The following SRFBP1 variants were observed in gnomAD, a reference collection of about 807,000 sequenced individuals.
The protein encoded by SRFBP1 is serum response factor-binding protein 1.
In SRFBP1, 47 loss-of-function variants were observed where a neutral mutation model predicts 45.5. The observed-to-expected ratio is 1.03, with a 90% CI of 0.82 to 1.32. The LOEUF (loss-of-function observed/expected upper bound fraction) is 1.32, where lower values mean the gene tolerates loss of function less well. Among genes scored for constraint, SRFBP1 ranks in the 40% most tolerant of loss-of-function variants. The pLI is 0.00. For synonymous variants in SRFBP1, 203 were observed against 166.3 expected (o/e 1.22, Z -1.70); for missense variants, 621 against 484.6 (o/e 1.28, Z -2.64).
intron 2 of SRFBP1, among the ~76,000 whole-genome samples, chr5:122,039,041 A>G (rs1753734094): frequency 6.6e-6 from 1 of 152,216 alleles, no homozygotes; most frequent in East Asian, 1.9e-4. Flanking sequence ...CCTTCCAGAT[A>G]GCAAAATTAA....
At chr5:121,962,091 G>A in intron 1 of SRFBP1, 23 bp downstream of exon 1, 1 of 1,613,822 alleles carries the variant, frequency 6.2e-7, no homozygotes, top group Non-Finnish European at 8.5e-7. Context: ...GAACCTATGG[G>A]GCTGACTTTA....
chr5:121,999,461 A>C (rs1399008477), intron 4 of SRFBP1, among the ~76,000 whole-genome samples: 2 of 152,134 alleles, frequency 1.3e-5, no homozygotes, highest in Non-Finnish European at 2.9e-5. Context: ...GTAAATGTTA[A>C]GTCAAATTGG....
intron 4 of SRFBP1, among the ~76,000 whole-genome samples, chr5:122,004,589 G>C (rs779577331): frequency 6.6e-6 from 1 of 151,854 alleles, no homozygotes; most frequent in Non-Finnish European, 1.5e-5. Flanking sequence ...TAGGTTTATA[G>C]TTTTATATCT....
intron 3 of SRFBP1, among the ~76,000 whole-genome samples, chr5:121,993,497 A>G (rs1016198047): frequency 1.3e-5 from 2 of 152,130 alleles, no homozygotes; most frequent in Non-Finnish European, 2.9e-5. Flanking sequence ...TCATAGAGGC[A>G]GTAGGCCAGA....
chr5:121,965,367 T>A (rs1752040967), intron 1 of SRFBP1, among the ~76,000 whole-genome samples: 1 of 152,246 alleles, frequency 6.6e-6, no homozygotes, highest in Non-Finnish European at 1.5e-5. Flanking sequence ...AATTTTTGTA[T>A]AAGGTGTAAG....
At chr5:122,049,886 G>A (rs1239840333) in intron 2 of SRFBP1, among the ~76,000 whole-genome samples, 1 of 152,158 alleles carries the variant, frequency 6.6e-6, no homozygotes, top group Admixed American at 6.5e-5. Flanking sequence ...GTGTGTAGAG[G>A]GAAATTTATA....
chr5:122,073,219 C>A (rs1038181361), intron 2 of SRFBP1, among the ~76,000 whole-genome samples: 1 of 152,108 alleles, frequency 6.6e-6, no homozygotes, highest in Non-Finnish European at 1.5e-5. Flanking sequence ...TTATAATGTC[C>A]TTTTACAAAT....
chr5:122,005,545 T>A (rs1752956581), intron 4 of SRFBP1, among the ~76,000 whole-genome samples: 1 of 152,176 alleles, frequency 6.6e-6, no homozygotes, highest in Non-Finnish European at 1.5e-5. Context: ...ATAAGTCTCT[T>A]ATAGGCAGCA....
intron 3 of SRFBP1, among the ~76,000 whole-genome samples, chr5:121,991,623 A>G (rs1170287147): frequency 7.9e-5 from 12 of 152,182 alleles, no homozygotes; most frequent in Admixed American, 6.6e-5. Flanking sequence ...AATAAGAAGT[A>G]TAGGAAGATA....
rs565268950 is a variant in SRFBP1 at position 122,019,442 on chromosome 5, TAA to T, written c.352+102_352+103del. On this transcript the variant is annotated intron_variant, in intron 5 of 7. Coordinates refer to ENST00000339397, the MANE Select transcript of SRFBP1 (RefSeq NM_152546.3). ...AACTCTTGAGGTTCTATTATAAATA[TAA>T]GTTTCTTTCAAATATTTACCAGTGT... The T allele has an allele frequency of 4.8e-3, 4,597 of 959,014 alleles. 24 individuals carry two copies. The highest frequency in any genetic ancestry group is 0.013 in the Middle Eastern group (39 of 2,910). 59.4% of individuals were successfully genotyped at this position (959,014 alleles called of 1,614,324 possible). A position where few individuals can be genotyped will look rare whatever the true frequency, so the allele number is the denominator to read the frequency against.
downstream of SRFBP1, chr5:122,077,832 C>A (rs774886810): frequency 1.7e-5 from 26 of 1,551,892 alleles, 1 homozygote; most frequent in Non-Finnish European, 2.2e-5. The surrounding 1 kb of genome is among the most constrained non-coding windows in gnomAD (Gnocchi z 4.9). Flanking sequence ...AACACCTGCC[C>A]GTTGTTCTCC....
At chr5:121,971,076 C>A (rs1752183163) in intron 1 of SRFBP1, among the ~76,000 whole-genome samples, 1 of 151,382 alleles carries the variant, frequency 6.6e-6, no homozygotes, top group Non-Finnish European at 1.5e-5. Context: ...TAGACGTGAG[C>A]ATGGTGAGGA....
At chr5:122,067,429 A>C (rs922019567) in intron 2 of SRFBP1, among the ~76,000 whole-genome samples, 1 of 152,102 alleles carries the variant, frequency 6.6e-6, no homozygotes, top group Non-Finnish European at 1.5e-5. Flanking sequence ...TACCTATTCA[A>C]CTATTTACTG....
intron 4 of SRFBP1, among the ~76,000 whole-genome samples, chr5:122,012,490 G>T (rs1753117325): frequency 6.6e-6 from 1 of 152,048 alleles, no homozygotes; most frequent in African/African-American, 2.4e-5. Context: ...TAACTAATGT[G>T]TATGTTAATA....
chr5:122,032,285 G>A (rs548445738), downstream of SRFBP1, among the ~76,000 whole-genome samples: 1 of 144,106 alleles, frequency 6.9e-6, no homozygotes, highest in African/African-American at 2.6e-5. Flanking sequence ...TTTCCTTTAT[G>A]TATATGAAAC....
At chr5:122,036,889 G>GT (rs1167827316) in intron 2 of SRFBP1, among the ~76,000 whole-genome samples, 1 of 150,190 alleles carries the variant, frequency 6.7e-6, no homozygotes, top group African/African-American at 2.5e-5. Flanking sequence ...TCTGACTCCT[G>GT]TGAGTTTTTT....
At chr5:121,974,357 G>C (rs769760133) in intron 2 of SRFBP1, 73 bp downstream of exon 2, 4 of 1,071,330 alleles carry the variant, frequency 3.7e-6, no homozygotes, top group Non-Finnish European at 5.6e-6. Context: ...ACTTTAAAAT[G>C]TTTAGGGTGG....
Position 122,020,344 on chromosome 5 carries a change from T to C in SRFBP1, c.609T>C (p.Ser203=). 1 of 1,613,986 alleles carries C rather than the reference T, an allele frequency of 6.2e-7. No homozygotes were observed. The change falls in exon 6 of 8, where the codon TCT becomes TCC. Residue 203 remains serine, a synonymous_variant. Coordinates refer to ENST00000339397, the MANE Select transcript of SRFBP1 (RefSeq NM_152546.3). ...CTAAAGCAGTGACTATTGCAAATTC[T>C]CCATCAAAGCCTTCAGAAAAGGATT... is the stretch of plus-strand genomic sequence containing the variant. The part of the protein sequence containing the change: ...HGPKAVTIAN[S]PSKPSEKDSV...
At chr5:122,067,598 A>C (rs1265046527) in intron 2 of SRFBP1, among the ~76,000 whole-genome samples, 3 of 152,042 alleles carry the variant, frequency 2.0e-5, no homozygotes, top group Non-Finnish European at 4.4e-5. Flanking sequence ...CCTGCTCAAA[A>C]AGCTTCAGCC....
Sources: gnomAD v4.1 joint callset for allele counts (sites outside exome capture counted in the v4.1 genomes callset) on GRCh38, gnomAD v4.1.1 for gene constraint, Gnocchi (gnomAD v3.1) non-coding constraint, MANE v1.5 for transcripts, NCBI Gene and HGNC (gene_info 2026-07-23, HGNC 2026-07-21) for gene names.